The following FBXL18 variants were observed in gnomAD, a reference collection of about 807,000 sequenced individuals.
FBXL18 encodes F-box and leucine rich repeat protein 18.
A neutral mutation model predicts 46.0 loss-of-function variants in FBXL18; 36 were observed. The ratio of observed to expected loss-of-function variants is 0.78; its 90% CI spans 0.60 to 1.03. FBXL18 has a LOEUF of 1.03. FBXL18 is among the 50% of genes least tolerant of loss of function. FBXL18 has a pLI of 0.00. For synonymous variants in FBXL18, 557 were observed against 465.3 expected, an observed-to-expected ratio of 1.20 and a Z score of -2.54; for missense variants, 977 against 1,004.1, an observed-to-expected ratio of 0.97 and a Z score of 0.36.
chr7:5,502,647 A>G (rs1361946763), intron 2 of FBXL18, among the ~76,000 whole-genome samples: 1 of 152,108 alleles, frequency 6.6e-6, no homozygotes, highest in African/African-American at 2.4e-5. Context: ...CCTGGCCAAC[A>G]TGGTGAAACC....
Position 5,513,683 on chromosome 7 carries a change from C to T in FBXL18, c.-9G>A. 2 of 1,604,324 alleles carry T rather than the reference C, an allele frequency of 1.2e-6. No homozygotes were observed. Among genetic ancestry groups the T allele is most frequent in the Non-Finnish European group, 1.7e-6 (2 of 1,175,722 alleles). On this transcript the variant is annotated 5_prime_UTR_variant, in exon 1 of 5. Coordinates refer to ENST00000382368, the MANE Select transcript of FBXL18 (RefSeq NM_024963.6). The stretch of plus-strand genomic sequence containing the variant: ...TCTCCGGAGCTGGCCATGTCGCCGG[C>T]GGGTCCGAACCGCGGCCGCGGGATC...
chr7:5,501,422 G>A lies in FBXL18; in HGVS notation c.847C>T (p.Leu283=), dbSNP rs1784251457. The change falls in exon 3 of 5, where the codon CTG becomes TTG. Residue 283 remains leucine (L), a synonymous_variant. Coordinates refer to ENST00000382368, the MANE Select transcript of FBXL18 (RefSeq NM_024963.6). ...ACGACATTGCGCGCCATGGAGTCCA[G>A]GAGGTTCTTGGTGGCGCCGCTCTCC... ...FAESGATKNL[L]DSMARNVVLD... The A allele has an allele frequency of 3.1e-6, 5 of 1,613,620 alleles. No individual in the cohort carries two copies. The highest frequency in any genetic ancestry group is 4.2e-6 in the Non-Finnish European group (5 of 1,180,036).
rs369948723 is a variant in FBXL18, at chr7:5,512,851, C to T, written c.18+806G>A. Among the ~76,000 whole-genome samples the T allele has an allele frequency of 2.0e-5, 3 of 152,142 alleles. No individual in the cohort carries two copies. In the East Asian group the frequency reaches 5.8e-4, roughly 29 times the overall value. Reference sequence around the variant, plus strand: ...GGGCGGTGAGCACAGCGACCCCCAGCCATCTCCAGAGACCCTGCCCCATCA... The same window carrying T: ...GGGCGGTGAGCACAGCGACCCCCAGTCATCTCCAGAGACCCTGCCCCATCA... On this transcript the variant is annotated intron_variant, in intron 1 of 4. Coordinates refer to ENST00000382368, the MANE Select transcript of FBXL18 (RefSeq NM_024963.6).
intron 4 of FBXL18, among the ~76,000 whole-genome samples, chr7:5,483,864 G>A (rs1414658555): frequency 2.0e-5 from 3 of 152,154 alleles, no homozygotes; most frequent in East Asian, 1.9e-4. Context: ...AGTCCCCCCG[G>A]CCACAGCGGC....
At chr7:5,503,232 A>G (rs545914042) in intron 2 of FBXL18, among the ~76,000 whole-genome samples, 23 of 152,338 alleles carry the variant, frequency 1.5e-4, no homozygotes, top group Middle Eastern at 3.4e-3. Context: ...AAGAAAAAAT[A>G]TATTAGCCAG....
intron 4 of FBXL18, among the ~76,000 whole-genome samples, chr7:5,463,729 T>TATATATATA (rs1562672305): frequency 8.0e-4 from 8 of 10,054 alleles, no homozygotes; most frequent in African/African-American, 1.4e-3. Flanking sequence ...TATTTATTTA[T>TATATATATA]TTTTTTTTTT....
At chr7:5,503,197 A>G (rs1784311709) in intron 2 of FBXL18, among the ~76,000 whole-genome samples, 1 of 152,252 alleles carries the variant, frequency 6.6e-6, no homozygotes, top group African/African-American at 2.4e-5. Context: ...CTTGGGAAAC[A>G]TAGCGAGACC....
Position 5,479,375 on chromosome 7 carries a change from A to G in FBXL18, c.*2400T>C, listed in dbSNP as rs1322963332. On this transcript the variant is annotated 3_prime_UTR_variant, in exon 5 of 5. Coordinates refer to ENST00000382368, the MANE Select transcript of FBXL18 (RefSeq NM_024963.6). The stretch of plus-strand genomic sequence containing the variant: ...TGTTCTGGAGGAAGGAGTGGGGCGG[A>G]GCTGCGGTGCCCAGAGACACAGGCC... 3 of 152,318 alleles carry G rather than the reference A, an allele frequency of 2.0e-5. No individual in the cohort carries two copies. The highest frequency in any genetic ancestry group is 4.4e-5 in the Non-Finnish European group (3 of 68,178). The allele number at this position is 152,318 out of a possible 1,614,324, so 9.4% of individuals were successfully genotyped here.
At chr7:5,456,495 G>A (rs549426885) in intron 4 of FBXL18, among the ~76,000 whole-genome samples, 32 of 152,360 alleles carry the variant, frequency 2.1e-4, no homozygotes, top group African/African-American at 7.0e-4. Flanking sequence ...CTGAGAGCAG[G>A]GAGGCAGAGC....
At chr7:5,463,728 A>ATTTATTTATTT (rs1562672288) in intron 4 of FBXL18, among the ~76,000 whole-genome samples, 8 of 53,010 alleles carry the variant, frequency 1.5e-4, no homozygotes, top group African/African-American at 2.4e-4. Flanking sequence ...TTATTTATTT[A>ATTTATTTATTT]TTTTTTTTTT....
chr7:5,497,267 T>C (rs1481135327), intron 3 of FBXL18, among the ~76,000 whole-genome samples: 1 of 151,952 alleles, frequency 6.6e-6, no homozygotes, highest in African/African-American at 2.4e-5. Flanking sequence ...AGCAGGGAGA[T>C]TCTGAAAAGT....
At chr7:5,498,114 T>G (rs1057138803) in intron 3 of FBXL18, among the ~76,000 whole-genome samples, 2 of 148,298 alleles carry the variant, frequency 1.3e-5, no homozygotes, top group African/African-American at 2.5e-5. Context: ...CGAGTCTCAC[T>G]CTGTCACCCA....
chr7:5,488,473 G>T (rs1783832413), intron 4 of FBXL18, among the ~76,000 whole-genome samples: 1 of 152,210 alleles, frequency 6.6e-6, no homozygotes, highest in Admixed American at 6.5e-5. Flanking sequence ...GCTGCAGCAA[G>T]GAAACAGACA....
At position 5,500,891 on chromosome 7, in the gene FBXL18, G is replaced by A. The variant is rs1449391338; in HGVS notation, c.1378C>T (p.Pro460Ser). Reference protein sequence around the residue: ...KKVRVGVQSCPSPFSGQACPQ... With the variant: ...KKVRVGVQSCSSPFSGQACPQ... ...CACGCCTGGCCCGAGAAGGGGCTGG[G>A]ACAGGACTGCACGCCCACACGCACT... Residue 460 changes from proline (P) to serine (S), a missense_variant, in exon 3 of 5, where the codon CCC (proline) becomes TCC (serine). Coordinates refer to ENST00000382368, the MANE Select transcript of FBXL18 (RefSeq NM_024963.6). The A allele has an allele frequency of 3.1e-6, 5 of 1,592,198 alleles. No homozygotes were observed. In the South Asian group the frequency reaches 5.6e-5, roughly 18 times the overall value.
intron 4 of FBXL18, among the ~76,000 whole-genome samples, chr7:5,467,282 C>T (rs532926649): frequency 1.3e-5 from 2 of 152,128 alleles, no homozygotes; most frequent in South Asian, 2.1e-4. Context: ...ACCTGGGAGG[C>T]GGAGCTTGCA....
At chr7:5,500,438 C>G in intron 3 of FBXL18, 50 bp downstream of exon 3, 2 of 1,522,244 alleles carry the variant, frequency 1.3e-6, no homozygotes, top group Non-Finnish European at 1.8e-6. Context: ...GCCCCAGTTC[C>G]CTCCGCCAGC....
chr7:5,470,795 G>C (rs1783416578), intron 4 of FBXL18, among the ~76,000 whole-genome samples: 1 of 152,106 alleles, frequency 6.6e-6, no homozygotes, highest in African/African-American at 2.4e-5. Context: ...GGACACAGGT[G>C]ACATCCTTTG....
At chr7:5,458,973 C>G (rs1321197022) in intron 4 of FBXL18, among the ~76,000 whole-genome samples, 2 of 151,702 alleles carry the variant, frequency 1.3e-5, no homozygotes, top group Non-Finnish European at 2.9e-5. Context: ...ATAGTAAGAC[C>G]CCTCCACCCA....
At chr7:5,510,655 C>T (rs1784509127) in intron 1 of FBXL18, among the ~76,000 whole-genome samples, 1 of 149,322 alleles carries the variant, frequency 6.7e-6, no homozygotes, top group South Asian at 2.1e-4. Flanking sequence ...CACTGCACTC[C>T]AGCCTGGGCA....
Sources: allele counts gnomAD v4.1 joint callset (sites outside exome capture counted in the v4.1 genomes callset), GRCh38; gene constraint gnomAD v4.1.1; transcripts MANE v1.5; gene names NCBI Gene and HGNC (gene_info 2026-07-23, HGNC 2026-07-21).